Variants in HAUS2 observed in about 807,000 individuals in gnomAD.
HAUS2 encodes HAUS augmin-like complex subunit 2.
A neutral mutation model predicts 21.6 loss-of-function variants in HAUS2; 20 were observed. The observed-to-expected ratio is 0.93, with a 90% CI of 0.65 to 1.35. The LOEUF is 1.35. Ranked by LOEUF, HAUS2 falls within the 40% of genes most tolerant of loss-of-function variation. HAUS2 has a pLI of 0.00. For synonymous variants in HAUS2, 113 were observed against 95.6 expected, an observed-to-expected ratio of 1.18 and a Z score of -1.06; for missense variants, 297 against 280.7, an observed-to-expected ratio of 1.06 and a Z score of -0.42.
chr15:42,566,011 G>A (rs1426513359), intron 5 of HAUS2, among the ~76,000 whole-genome samples: 1 of 152,074 alleles, frequency 6.6e-6, no homozygotes, highest in East Asian at 1.9e-4. Context: ...GACCATCCTG[G>A]CTAACATGGT....
In HAUS2 at chr15:42,548,902, G is replaced by T. The variant is rs199814168; in HGVS notation, c.30G>T (p.Ala10=). The change falls in exon 1 of 6, where the codon GCG becomes GCT. Residue 10 remains alanine, a synonymous_variant. Transcript: ENST00000260372. ...CCGCTGCCAACCCGTGGGACCCGGC[G>T]TCCGCGCCTAACGGCGCTGGGCTAG... MAAANPWDP[A]SAPNGAGLVL... 7.1e-6 allele frequency: 11 copies of T among 1,550,884 alleles called. No homozygotes were observed. The highest frequency in any genetic ancestry group is 8.7e-6 in the Non-Finnish European group (10 of 1,146,960).
intron 3 of HAUS2, 87 bp from the exon 4 acceptor site, chr15:42,561,183 T>A: frequency 4.0e-6 from 3 of 759,474 alleles, no homozygotes; most frequent in Non-Finnish European, 6.7e-6. Context: ...ATTTTTGACA[T>A]GGGTAGTGTC....
At chr15:42,559,229 G>T in intron 2 of HAUS2, 110 bp from the exon 3 acceptor site, 2 of 659,452 alleles carry the variant, frequency 3.0e-6, no homozygotes, top group Non-Finnish European at 5.6e-6. Context: ...GACCTCTGGT[G>T]ATCCACCTGC....
rs1197538953 is a variant in HAUS2 at position 42,566,675 on chromosome 15, G to C, written c.567G>C (p.Lys189Asn). Residue 189 changes from lysine (K) to asparagine (N), a missense_variant, in exon 6 of 6, where the codon AAG becomes AAC. Physicochemically the swap from Lys to Asn is moderately conservative, Grantham distance 94. Transcript: ENST00000260372. ...AAGAACTGGCAGAGAATATACTCAA[G>C]TGGCGTAAACAACAAAACGAAGTTT... ...ETEELAENIL[K>N]WRKQQNEVSS... The C allele has an allele frequency of 1.2e-6, 2 of 1,606,208 alleles. No individual in the cohort carries two copies. The highest frequency in any genetic ancestry group is 1.7e-5 in the Admixed American group (1 of 59,984).
At chr15:42,563,328 C>T (rs1399367203) in intron 4 of HAUS2, among the ~76,000 whole-genome samples, 2 of 149,042 alleles carry the variant, frequency 1.3e-5, no homozygotes, top group Non-Finnish European at 3.0e-5. Flanking sequence ...AAGAGAATTG[C>T]TTGAACCCAG....
In HAUS2 at chr15:42,548,979, G is replaced by A. The variant is rs1460623207; in HGVS notation, c.93+14G>A. The A allele has an allele frequency of 2.6e-6, 4 of 1,510,606 alleles. No individual in the cohort carries two copies. The South Asian group carries it at 4.8e-5, about 18-fold the overall frequency. 93.6% of individuals were successfully genotyped at this position (1,510,606 alleles called of 1,614,324 possible). Reference sequence around the variant, plus strand: ...ATGGTCAATCAGGTACGTGGGGGTGGCGGTGGTGTCATCAAGGGGGTGCCC... The same window carrying A: ...ATGGTCAATCAGGTACGTGGGGGTGACGGTGGTGTCATCAAGGGGGTGCCC... On this transcript the variant is annotated intron_variant, in intron 1 of 5. Coordinates refer to ENST00000260372, the MANE Select transcript of HAUS2 (RefSeq NM_018097.3).
At chr15:42,565,387 A>ATG (rs139933934) in intron 5 of HAUS2, among the ~76,000 whole-genome samples, 45,212 of 135,932 alleles carry the variant, frequency 0.33, 7,996 homozygotes, top group Admixed American at 0.47. Flanking sequence ...GAGCCATTGA[A>ATG]TGTGTGTGTG....
rs1380879299 is a variant in HAUS2, at chr15:42,569,320, G to C, written c.*2504G>C. ...TCCTTTTTTTTTTTTTTTTTTTAAA[G>C]ACAGGATCTCACTCTGTCACCCAGG... On this transcript the variant is annotated 3_prime_UTR_variant, in exon 6 of 6. Coordinates refer to ENST00000260372, the MANE Select transcript of HAUS2 (RefSeq NM_018097.3). 1 of 121,780 alleles carries C rather than the reference G, an allele frequency of 8.2e-6. No individual in the cohort carries two copies. Among genetic ancestry groups the C allele is most frequent in the African/African-American group, 3.0e-5 (1 of 32,840 alleles). The allele number at this position is 121,780 out of a possible 1,614,324, so 7.5% of individuals were successfully genotyped here.
At chr15:42,565,767 G>A (rs1331622688) in intron 5 of HAUS2, among the ~76,000 whole-genome samples, 1 of 152,134 alleles carries the variant, frequency 6.6e-6, no homozygotes, top group Non-Finnish European at 1.5e-5. Context: ...TAAAGCATAG[G>A]AATACAGAAG....
chr15:42,553,364 A>T (rs1248249353), intron 1 of HAUS2, among the ~76,000 whole-genome samples: 1 of 152,028 alleles, frequency 6.6e-6, no homozygotes, highest in Non-Finnish European at 1.5e-5. Context: ...CCTTTTTCTC[A>T]GGATCCTTTC....
intron 1 of HAUS2, among the ~76,000 whole-genome samples, chr15:42,551,203 G>C (rs1381215132): frequency 6.6e-6 from 1 of 151,480 alleles, no homozygotes; most frequent in Non-Finnish European, 1.5e-5. Flanking sequence ...GGCCAGGGTA[G>C]TCTCAAACTC....
intron 1 of HAUS2, among the ~76,000 whole-genome samples, chr15:42,550,498 C>T (rs1238613196): frequency 1.3e-5 from 2 of 152,036 alleles, no homozygotes; most frequent in Admixed American, 1.3e-4. Flanking sequence ...CATTGTATCC[C>T]CTCTCAAGAT....
chr15:42,559,625 A>C (rs1193821203), intron 3 of HAUS2, among the ~76,000 whole-genome samples: 1 of 152,208 alleles, frequency 6.6e-6, no homozygotes, highest in Non-Finnish European at 1.5e-5. Context: ...CTTCAAAGTC[A>C]GGAGAACTTG....
At chr15:42,549,020 T>C (rs1269290600) in intron 1 of HAUS2, 55 bp downstream of exon 1, 11 of 1,114,702 alleles carry the variant, frequency 9.9e-6, no homozygotes, top group Non-Finnish European at 1.3e-5. Flanking sequence ...GGCAACAATA[T>C]GGCTGTGAGT....
At position 42,568,368 on chromosome 15, in the gene HAUS2, G is replaced by T. The variant is rs2057927118; in HGVS notation, c.*1552G>T. 6.6e-6 allele frequency: 1 copy of T among 152,216 alleles called. No homozygotes were observed. The highest frequency in any genetic ancestry group is 6.6e-5 in the Admixed American group (1 of 15,264). 9.4% of individuals were successfully genotyped at this position (152,216 alleles called of 1,614,324 possible). A position where few individuals can be genotyped will look rare whatever the true frequency, so the allele number is the denominator to read the frequency against. ...TTGCCATGGCAGAAGGCACCACATG[G>T]CAAGTGAGCATGAGAAAGATATATG... On this transcript the variant is annotated 3_prime_UTR_variant, in exon 6 of 6. Transcript: ENST00000260372.
chr15:42,549,814 T>C (rs2057703099), intron 1 of HAUS2, among the ~76,000 whole-genome samples: 1 of 147,990 alleles, frequency 6.8e-6, no homozygotes, highest in East Asian at 2.0e-4. Flanking sequence ...GATAAGACCT[T>C]GGAACGTGAA....
chr15:42,558,566 A>G (rs1300845966), intron 2 of HAUS2, among the ~76,000 whole-genome samples: 2 of 151,904 alleles, frequency 1.3e-5, no homozygotes, highest in Non-Finnish European at 2.9e-5. Flanking sequence ...TGACCCCATG[A>G]TCTGCCCGCC....
At chr15:42,560,569 T>C (rs1466222867) in intron 3 of HAUS2, among the ~76,000 whole-genome samples, 1 of 152,092 alleles carries the variant, frequency 6.6e-6, no homozygotes, top group Non-Finnish European at 1.5e-5. Context: ...TTGGCAGCCA[T>C]TAACTGAATG....
intron 2 of HAUS2, among the ~76,000 whole-genome samples, chr15:42,559,006 G>C (rs2057820063): frequency 6.6e-6 from 1 of 152,034 alleles, no homozygotes; most frequent in African/African-American, 2.4e-5. Flanking sequence ...TTTGAACTTA[G>C]AACAGTGTCT....
Sources: gnomAD v4.1 joint callset for allele counts (sites outside exome capture counted in the v4.1 genomes callset) on GRCh38, gnomAD v4.1.1 for gene constraint, MANE v1.5 for transcripts, NCBI Gene and HGNC (gene_info 2026-07-23, HGNC 2026-07-21) for gene names.